NOSTRIN: variants seen among roughly 807,000 people sequenced by gnomAD.
The protein encoded by NOSTRIN is nitric oxide synthase trafficking.
NOSTRIN carries 63 observed loss-of-function variants against 59.0 expected under a neutral mutation model. That is an observed-to-expected ratio of 1.07 (90% CI 0.87 to 1.32). The LOEUF is 1.32. Ranked by LOEUF, NOSTRIN falls within the 40% of genes most tolerant of loss-of-function variation. The pLI, the probability that NOSTRIN is intolerant of heterozygous loss-of-function variation, is 0.00. For missense variants in NOSTRIN, 512 were observed against 473.1 expected, an observed-to-expected ratio of 1.08 and a Z score of -0.76; for synonymous variants, 200 against 165.4, an observed-to-expected ratio of 1.21 and a Z score of -1.61.
rs530406710 is a variant in NOSTRIN at position 168,847,366 on chromosome 2, C to T, written c.631-3718C>T. ...ACAATGTCTCAAAGCGCCTGGGGTG[C>T]TTAAAAGTCAGATTCCTGATCACCT... On this transcript the variant is annotated intron_variant, in intron 8 of 15. Transcript: ENST00000317647. Among the ~76,000 whole-genome samples, 7 of 152,210 alleles carry T rather than the reference C, an allele frequency of 4.6e-5. No homozygotes were observed. The South Asian group carries it at 1.5e-3, about 32-fold the overall frequency.
chr2:168,833,648 G>A (rs1423271043), intron 6 of NOSTRIN, among the ~76,000 whole-genome samples: 5 of 152,188 alleles, frequency 3.3e-5, no homozygotes, highest in Non-Finnish European at 1.5e-5. Flanking sequence ...AGGGTAGGGA[G>A]ACTCTTGAGT....
intron 2 of NOSTRIN, among the ~76,000 whole-genome samples, chr2:168,821,878 C>T (rs1349010143): frequency 3.3e-5 from 5 of 152,254 alleles, no homozygotes; most frequent in East Asian, 1.9e-4. Flanking sequence ...TCAGATCATG[C>T]AGAGCTTTGC....
chr2:168,823,081 A>G (rs1331441059), intron 2 of NOSTRIN, among the ~76,000 whole-genome samples: 1 of 152,148 alleles, frequency 6.6e-6, no homozygotes, highest in African/African-American at 2.4e-5. Context: ...CAGTGGCGCA[A>G]TCTTGGCTCA....
Position 168,855,391 on chromosome 2 carries a change from A to T in NOSTRIN, c.895A>T (p.Lys299Ter). 1.9e-6 allele frequency: 3 copies of T among 1,610,264 alleles called. No individual in the cohort carries two copies. The highest frequency in any genetic ancestry group is 2.5e-6 in the Non-Finnish European group (3 of 1,177,066). ...PNSAMDKERR[K>*]SLLKPKLLRL... ...CAGTGCAATGGATAAAGAGAGACGA[A>T]AGTCTTTACTAAAACCAAAATTATT... The change falls in exon 11 of 16, where the codon AAG (lysine) becomes TAG (stop). Residue 299 changes from lysine (K) to a stop codon, truncating the protein, a stop_gained. Transcript: ENST00000317647. LOFTEE classifies it high-confidence loss of function.
Position 168,834,308 on chromosome 2 carries a change from G to A in NOSTRIN, c.487G>A (p.Glu163Lys), listed in dbSNP as rs765076217. The A allele has an allele frequency of 1.1e-6, 1 of 872,754 alleles. No homozygotes were observed. The highest frequency in any genetic ancestry group is 1.3e-5 in the South Asian group (1 of 76,504). 54.1% of individuals were successfully genotyped at this position (872,754 alleles called of 1,614,324 possible). A position where few individuals can be genotyped will look rare whatever the true frequency, so the allele number is the denominator to read the frequency against. Residue 163 changes from glutamate (E) to lysine (K), a missense_variant, in exon 7 of 16, where the codon GAG (glutamate) becomes AAG (lysine). Physicochemically the swap from Glu to Lys is moderately conservative, Grantham distance 56. Transcript: ENST00000317647. The part of the protein sequence containing the change: ...LVESSKQSMT[E>K]KEKRKLLNKL... ...AGAAAGCTCCAAGCAATCTATGACT[G>A]AGAAGGAGAAGCGGAAGGTAAGCTG... is the stretch of plus-strand genomic sequence containing the variant.
intron 2 of NOSTRIN, chr2:168,818,113 C>G (rs1488066374): frequency 1.1e-5 from 2 of 174,226 alleles, no homozygotes; most frequent in East Asian, 3.2e-4. Context: ...GACTCTGTCA[C>G]CTGCTTCTTT....
At chr2:168,834,811 A>C (rs186850103) in intron 7 of NOSTRIN, among the ~76,000 whole-genome samples, 1 of 152,134 alleles carries the variant, frequency 6.6e-6, no homozygotes, top group Non-Finnish European at 1.5e-5. Flanking sequence ...AATACCCCAA[A>C]TAAGTAAAAA....
At chr2:168,810,126 AC>A (rs1686058022) in intron 1 of NOSTRIN, among the ~76,000 whole-genome samples, 1 of 151,970 alleles carries the variant, frequency 6.6e-6, no homozygotes, top group South Asian at 2.1e-4. Context: ...CCTCCTCCTC[AC>A]TCATTCAGGT....
chr2:168,799,886 C>T (rs1685570557), upstream of NOSTRIN, among the ~76,000 whole-genome samples: 2 of 152,238 alleles, frequency 1.3e-5, no homozygotes, highest in Admixed American at 1.3e-4. Flanking sequence ...CTGCCCCTCT[C>T]TGTCTCTATG....
Position 168,851,120 on chromosome 2 carries a change from T to C in NOSTRIN, c.667T>C (p.Leu223=), listed in dbSNP as rs1034837831. The C allele has an allele frequency of 1.3e-6, 2 of 1,588,974 alleles. No individual in the cohort carries two copies. The highest frequency in any genetic ancestry group is 1.7e-6 in the Non-Finnish European group (2 of 1,157,014). ...LELEKERIQL[L]CNNLNQYSQH... ...GCTGGAGAAGGAAAGAATTCAACTT[T>C]TATGCAATAACTTAAACCAGTACAG... Residue 223 remains leucine, a synonymous_variant, in exon 9 of 16, where the codon TTA becomes CTA. Coordinates refer to ENST00000317647, the MANE Select transcript of NOSTRIN (RefSeq NM_001039724.4).
intron 10 of NOSTRIN, among the ~76,000 whole-genome samples, chr2:168,853,334 C>T (rs1219333905): frequency 6.6e-6 from 1 of 152,166 alleles, no homozygotes; most frequent in Non-Finnish European, 1.5e-5. Flanking sequence ...AACAAAGAGA[C>T]CAATCTGAGT....
intron 15 of NOSTRIN, 102 bp from the exon 16 acceptor site, chr2:168,864,732 C>T: frequency 1.5e-6 from 2 of 1,355,202 alleles, no homozygotes; most frequent in South Asian, 2.7e-5. Flanking sequence ...ATGACACTAC[C>T]AAGTAAATCC....
intron 11 of NOSTRIN, 99 bp from the exon 12 acceptor site, chr2:168,856,591 C>T: frequency 5.9e-6 from 6 of 1,013,906 alleles, no homozygotes; most frequent in Non-Finnish European, 9.1e-6. Context: ...AAAAATCTCA[C>T]TGGTATCACT....
chr2:168,859,176 A>G (rs576062), intron 12 of NOSTRIN: 82,917 of 192,884 alleles, frequency 0.43, 18,999 homozygotes, highest in South Asian at 0.62. Context: ...CCAAAAATCT[A>G]CCTTCTACAA....
chr2:168,815,762 TCAAAC>T (rs2105569685), intron 2 of NOSTRIN, among the ~76,000 whole-genome samples: 2 of 152,292 alleles, frequency 1.3e-5, no homozygotes, highest in African/African-American at 4.8e-5. Flanking sequence ...AAACTGAACT[TCAAAC>T]CATATATATC....
intron 15 of NOSTRIN, 28 bp downstream of exon 15, chr2:168,862,077 T>G: frequency 6.3e-7 from 1 of 1,584,762 alleles, no homozygotes; most frequent in South Asian, 1.1e-5. Flanking sequence ...ATATTTTAAT[T>G]GCCTTCCCAT....
chr2:168,829,407 A>G (rs1553525116), intron 5 of NOSTRIN, among the ~76,000 whole-genome samples: 1 of 149,512 alleles, frequency 6.7e-6, no homozygotes, highest in Non-Finnish European at 1.5e-5. Context: ...TGCAACCTCC[A>G]CCTCCTGGGT....
upstream of NOSTRIN, among the ~76,000 whole-genome samples, chr2:168,796,844 C>T (rs1685490883): frequency 6.6e-6 from 1 of 152,108 alleles, no homozygotes; most frequent in South Asian, 2.1e-4. Context: ...TTGAACTCTG[C>T]TTCCTGATAG....
At chr2:168,789,366 C>G (rs187157922) in intron 2 of NOSTRIN, among the ~76,000 whole-genome samples, 5 of 152,128 alleles carry the variant, frequency 3.3e-5, no homozygotes, top group Admixed American at 6.6e-5. Context: ...TAACCATGGC[C>G]GAAGGCAAAA....
Sources: gnomAD v4.1 joint callset for allele counts (sites outside exome capture counted in the v4.1 genomes callset) on GRCh38, gnomAD v4.1.1 for gene constraint, MANE v1.5 for transcripts, NCBI Gene and HGNC (gene_info 2026-07-23, HGNC 2026-07-21) for gene names.